The following KALRN variants were observed in gnomAD, a reference collection of about 807,000 sequenced individuals.
KALRN encodes kalirin.
KALRN carries 70 observed loss-of-function variants against 353.7 expected under a neutral mutation model. That is an observed-to-expected ratio of 0.20 (90% CI 0.16 to 0.24). KALRN has a LOEUF of 0.24. KALRN is among the 10% of genes least tolerant of loss of function. The pLI, the probability that KALRN is intolerant of heterozygous loss-of-function variation, is 1.00. For synonymous variants in KALRN, 1,391 were observed against 1,434.8 expected, an observed-to-expected ratio of 0.97 and a Z score of 0.69; for missense variants, 2,791 against 3,756.7, an observed-to-expected ratio of 0.74 and a Z score of 6.72.
intron 1 of KALRN, among the ~76,000 whole-genome samples, chr3:124,186,920 A>G (rs1195239724): frequency 2.6e-5 from 4 of 152,130 alleles, no homozygotes; most frequent in African/African-American, 9.7e-5. Flanking sequence ...GAGGAGGGGT[A>G]GAAGATGGGA....
At chr3:124,518,262 G>A in intron 33 of KALRN, 2 of 746,910 alleles carry the variant, frequency 2.7e-6, no homozygotes, top group Admixed American at 2.0e-5. Context: ...TTTTCAGGTT[G>A]CACTCTGCAC....
intron 5 of KALRN, among the ~76,000 whole-genome samples, chr3:124,276,280 T>C (rs1473719639): frequency 6.6e-6 from 1 of 152,166 alleles, no homozygotes; most frequent in African/African-American, 2.4e-5. Flanking sequence ...GTGATGTGCT[T>C]ATTGCGTTTT....
intron 1 of KALRN, among the ~76,000 whole-genome samples, chr3:124,046,135 T>A (rs1325426002): frequency 6.6e-6 from 1 of 152,242 alleles, no homozygotes; most frequent in Non-Finnish European, 1.5e-5. Flanking sequence ...TCAAAAATTT[T>A]AAAAGGTTAT....
At chr3:124,395,044 G>T in intron 11 of KALRN, 91 bp from the exon 12 acceptor site, 2 of 931,824 alleles carry the variant, frequency 2.1e-6, no homozygotes, top group African/African-American at 1.6e-5. Flanking sequence ...TTGAGAGTAA[G>T]TTGGGTGATT....
intron 33 of KALRN, among the ~76,000 whole-genome samples, chr3:124,510,485 T>G (rs1226243890): frequency 6.6e-6 from 1 of 152,108 alleles, no homozygotes; most frequent in Admixed American, 6.5e-5. Flanking sequence ...CAAAGGAATT[T>G]AGACTTTATT....
chr3:124,110,491 A>G (rs2062859874), intron 1 of KALRN, among the ~76,000 whole-genome samples: 1 of 151,660 alleles, frequency 6.6e-6, no homozygotes, highest in African/African-American at 2.4e-5. Context: ...ACACACACAC[A>G]CACACATTGT....
chr3:124,593,026 G>A (rs1007419372), intron 34 of KALRN, among the ~76,000 whole-genome samples: 1 of 152,096 alleles, frequency 6.6e-6, no homozygotes, highest in Admixed American at 6.6e-5. Context: ...CTGTTTCCAG[G>A]TATGTGCTCT....
At chr3:124,589,940 C>G (rs1449087407) in intron 34 of KALRN, among the ~76,000 whole-genome samples, 4 of 152,134 alleles carry the variant, frequency 2.6e-5, no homozygotes, top group Non-Finnish European at 5.9e-5. Flanking sequence ...TACACAGGGC[C>G]TACTGTATGC....
At position 124,455,091 on chromosome 3, in the gene KALRN, C is replaced by A. The variant is rs1244485628; in HGVS notation, c.3553-86C>A. On this transcript the variant is annotated intron_variant, in intron 21 of 59. Coordinates refer to ENST00000682506, the MANE Select transcript of KALRN (RefSeq NM_001388419.1). ...GTAGTCAGCTATGAGGTATCTATGG[C>A]TGCTCTAAACAGGAAGAGAGGATTT... 5.5e-6 allele frequency: 8 copies of A among 1,463,776 alleles called. No homozygotes were observed. The South Asian group carries it at 1.0e-4, about 18-fold the overall frequency. 90.7% of individuals were successfully genotyped at this position (1,463,776 alleles called of 1,614,324 possible).
chr3:124,260,120 T>G (rs1370444294), intron 3 of KALRN, among the ~76,000 whole-genome samples: 1 of 152,212 alleles, frequency 6.6e-6, no homozygotes, highest in Non-Finnish European at 1.5e-5. Context: ...CAAGGCCTGA[T>G]TCTAACATTG....
intron 59 of KALRN, 125 bp downstream of exon 59, chr3:124,717,510 C>T (rs1369711286): frequency 2.5e-5 from 13 of 519,342 alleles, no homozygotes; most frequent in Non-Finnish European, 3.8e-5. Context: ...CACGGTGAAA[C>T]CCCGTCTCTA....
At chr3:124,089,252 A>C (rs2060978483) in intron 1 of KALRN, among the ~76,000 whole-genome samples, 1 of 152,150 alleles carries the variant, frequency 6.6e-6, no homozygotes. Context: ...GAGGGGGGCT[A>C]TCTGGAAAAG....
At chr3:124,078,065 G>A (rs1204224002) in intron 1 of KALRN, among the ~76,000 whole-genome samples, 1 of 152,200 alleles carries the variant, frequency 6.6e-6, no homozygotes, top group African/African-American at 2.4e-5. Context: ...CTACGCTCTG[G>A]CCCCGGTATT....
chr3:124,292,355 C>T (rs2076496104), intron 5 of KALRN, among the ~76,000 whole-genome samples: 1 of 152,162 alleles, frequency 6.6e-6, no homozygotes, highest in Admixed American at 6.5e-5. Flanking sequence ...TGAAAAATTG[C>T]ATTTTAATAG....
At chr3:124,672,074 C>T (rs1050955239) in intron 48 of KALRN, among the ~76,000 whole-genome samples, 176 bp downstream of exon 48, 2 of 152,126 alleles carry the variant, frequency 1.3e-5, no homozygotes, top group African/African-American at 4.8e-5. Flanking sequence ...CTCAGCCTCC[C>T]GAGTAGCTGG....
intron 34 of KALRN, among the ~76,000 whole-genome samples, chr3:124,618,234 C>T (rs377282845): frequency 1.6e-4 from 24 of 151,448 alleles, no homozygotes; most frequent in African/African-American, 5.3e-4. Flanking sequence ...CTCAGCCTCC[C>T]GAGTAGCTGG....
chr3:124,456,774 C>G (rs1282187103), intron 23 of KALRN, 46 bp downstream of exon 23: 3 of 1,362,206 alleles, frequency 2.2e-6, no homozygotes, highest in Non-Finnish European at 2.1e-6. Context: ...CGTGACTATG[C>G]TGGGCTTTCA....
intron 34 of KALRN, among the ~76,000 whole-genome samples, chr3:124,607,969 AT>A (rs1194808599): frequency 6.8e-6 from 1 of 146,946 alleles, no homozygotes; most frequent in African/African-American, 2.5e-5. Context: ...TTATCTAAGC[AT>A]TTTCCTTCAG....
intron 1 of KALRN, among the ~76,000 whole-genome samples, chr3:124,045,649 G>A (rs1214703667): frequency 1.3e-5 from 2 of 151,496 alleles, no homozygotes; most frequent in Admixed American, 6.6e-5. Context: ...CTCATTTATC[G>A]AAGTGTCAGA....
Sources: allele counts gnomAD v4.1 joint callset (sites outside exome capture counted in the v4.1 genomes callset), GRCh38; gene constraint gnomAD v4.1.1; transcripts MANE v1.5; gene names NCBI Gene and HGNC (gene_info 2026-07-23, HGNC 2026-07-21).